Variants in ATG2B observed in about 807,000 individuals in gnomAD.
The protein encoded by ATG2B is autophagy-related protein 2 homolog B.
ATG2B carries 121 observed loss-of-function variants against 241.3 expected under a neutral mutation model. The ratio of observed to expected loss-of-function variants is 0.50; its 90% confidence interval spans 0.43 to 0.58. ATG2B has a LOEUF of 0.58. Among genes scored for constraint, ATG2B ranks in the 20% least tolerant of loss-of-function variants. The pLI is 0.00. For missense variants in ATG2B, 2,306 were observed against 2,491.6 expected, an observed-to-expected ratio of 0.93 and a Z score of 1.59; for synonymous variants, 858 against 876.6, an observed-to-expected ratio of 0.98 and a Z score of 0.37.
At chr14:96,318,270 GC>G (rs771294710) in intron 18 of ATG2B, 1 of 153,930 alleles carries the variant, frequency 6.5e-6, no homozygotes, top group Non-Finnish European at 1.4e-5. Context: ...AACTGATCCT[GC>G]ATCATCTCAC....
At position 96,290,679 on chromosome 14, in the gene ATG2B, G is replaced by A. The variant is rs1280926294; in HGVS notation, c.5702-89C>T. The A allele has an allele frequency of 1.9e-6, 3 of 1,564,774 alleles. No homozygotes were observed. The highest frequency in any genetic ancestry group is 1.4e-5 in the African/African-American group (1 of 73,138). On this transcript the variant is annotated intron_variant, in intron 39 of 41. Coordinates refer to ENST00000359933, the MANE Select transcript of ATG2B (RefSeq NM_018036.7). The surrounding 1 kb of genome is among the most constrained non-coding windows in gnomAD (Gnocchi z 4.4). ...CTGGGGTTTTTAACTCCTAAAACTG[G>A]AGGCAAAGTTTTGTGTATATGAGTA...
intron 36 of ATG2B, among the ~76,000 whole-genome samples, chr14:96,292,741 C>T (rs888948871): frequency 6.6e-5 from 10 of 152,164 alleles, no homozygotes; most frequent in East Asian, 3.8e-4. Flanking sequence ...ACAGAATTAT[C>T]GACAAACAAA....
intron 36 of ATG2B, among the ~76,000 whole-genome samples, chr14:96,293,913 G>A (rs1474994032): frequency 6.6e-6 from 1 of 151,924 alleles, no homozygotes; most frequent in Non-Finnish European, 1.5e-5. Flanking sequence ...CAAATTGGCA[G>A]TTTATAAATG....
chr14:96,332,618 C>T lies in ATG2B; in HGVS notation c.1245G>A (p.Met415Ile). The T allele has an allele frequency of 6.3e-7, 1 of 1,596,576 alleles. No individual in the cohort carries two copies. The highest frequency in any genetic ancestry group is 2.2e-5 in the East Asian group (1 of 44,806). Residue 415 changes from methionine to isoleucine, a missense_variant, in exon 9 of 42, where the codon ATG becomes ATA. Around this residue, in one of 2 missense-constraint regions of ATG2B, gnomAD observed 1,927 missense variants for 2,011.2 expected, o/e 0.96. Coordinates refer to ENST00000359933, the MANE Select transcript of ATG2B (RefSeq NM_018036.7). Reference protein sequence around the residue: ...EVFFSMADMDMSHSLSSLPPL... With the variant: ...EVFFSMADMDISHSLSSLPPL... ...GTGGAAGAGAAGAGAGACTATGAGA[C>T]ATGTCCATATCAGCCATGGAGAAGA...
At chr14:96,298,559 C>T (rs570187954) in intron 34 of ATG2B, among the ~76,000 whole-genome samples, 1 of 152,222 alleles carries the variant, frequency 6.6e-6, no homozygotes, top group Admixed American at 6.5e-5. Context: ...AACAGATAAA[C>T]CGTGGTATAT....
chr14:96,329,278 T>C (rs1180980451), intron 12 of ATG2B, among the ~76,000 whole-genome samples: 2 of 152,306 alleles, frequency 1.3e-5, no homozygotes, highest in East Asian at 3.9e-4. Context: ...AAGTCAACTC[T>C]AATTTAAAAT....
rs544410613 is a variant in ATG2B, at chr14:96,282,065, G to A, written c.*3690C>T. On this transcript the variant is annotated 3_prime_UTR_variant, in exon 42 of 42. Transcript: ENST00000359933. ...GTGCCTAGCATGATCCTGAAATGTT[G>A]AGATAAAAAGAAGTTGGCATTAAAG... The A allele has an allele frequency of 6.6e-6, 1 of 152,290 alleles. No homozygotes were observed. Among genetic ancestry groups the A allele is most frequent in the South Asian group, 2.1e-4 (1 of 4,828 alleles). The allele number at this position is 152,290 out of a possible 1,614,324, so 9.4% of individuals were successfully genotyped here.
chr14:96,329,465 A>G lies in ATG2B; in HGVS notation c.1881+19T>C. 2 of 1,518,700 alleles carry G rather than the reference A, an allele frequency of 1.3e-6. No individual in the cohort carries two copies. Among genetic ancestry groups the G allele is most frequent in the Non-Finnish European group, 1.8e-6 (2 of 1,128,528 alleles). 94.1% of individuals were successfully genotyped at this position (1,518,700 alleles called of 1,614,324 possible). ...TAGATTTAAAAAATAATCTTAAAGAAAAAGTATTCAATATTTACCTCTGTA... is the reference window on the plus strand; with the variant it reads ...TAGATTTAAAAAATAATCTTAAAGAGAAAGTATTCAATATTTACCTCTGTA... On this transcript the variant is annotated intron_variant, in intron 12 of 41. Transcript: ENST00000359933.
chr14:96,291,976 C>T, intron 37 of ATG2B, 53 bp downstream of exon 37: 1 of 1,237,870 alleles, frequency 8.1e-7, no homozygotes, highest in Non-Finnish European at 1.1e-6. Context: ...AAAACGAGCT[C>T]ATTAGAGAAA....
At chr14:96,298,838 G>A (rs979085728) in intron 34 of ATG2B, among the ~76,000 whole-genome samples, 3 of 152,208 alleles carry the variant, frequency 2.0e-5, no homozygotes, top group African/African-American at 7.2e-5. Context: ...AGCTACTCAA[G>A]TGTGTAAATC....
chr14:96,360,383 C>A (rs1018791122), intron 1 of ATG2B, among the ~76,000 whole-genome samples: 1 of 152,182 alleles, frequency 6.6e-6, no homozygotes, highest in African/African-American at 2.4e-5. Context: ...ATGAGGAGAA[C>A]ATTTGAAAAA....
rs1368485957 is a variant in ATG2B, at chr14:96,289,234, T to A, written c.6006+422A>T. Among the ~76,000 whole-genome samples the A allele has an allele frequency of 6.6e-6, 1 of 152,266 alleles. No individual in the cohort carries two copies. Among genetic ancestry groups the A allele is most frequent in the East Asian group, 1.9e-4 (1 of 5,184 alleles). ...CATAATAAAACTATATAAAAACATG[T>A]ACAAAAAAATATGTTCCACGTTCAG... On this transcript the variant is annotated intron_variant, in intron 41 of 41. Transcript: ENST00000359933. This position sits in a 1 kb window ranked among gnomAD's most constrained non-coding sequence, Gnocchi z 4.3.
intron 34 of ATG2B, among the ~76,000 whole-genome samples, chr14:96,301,432 G>A (rs915143652): frequency 3.9e-5 from 6 of 152,156 alleles, no homozygotes; most frequent in African/African-American, 1.4e-4. Flanking sequence ...AAAGTTTCTG[G>A]AAGAGGCACC....
chr14:96,315,318 G>T, intron 22 of ATG2B, 66 bp downstream of exon 22: 1 of 1,579,810 alleles, frequency 6.3e-7, no homozygotes. Flanking sequence ...TAAATATGTT[G>T]CCTTTTATGT....
At chr14:96,310,069 CACCAAATACTTA>C (rs1470556913) in intron 28 of ATG2B, among the ~76,000 whole-genome samples, 3 of 152,158 alleles carry the variant, frequency 2.0e-5, no homozygotes, top group Non-Finnish European at 2.9e-5. Context: ...TCAGTTCCAG[CACCAAATACTTA>C]ACCAAATACT....
intron 34 of ATG2B, among the ~76,000 whole-genome samples, chr14:96,296,253 T>C (rs1886637685): frequency 6.6e-6 from 1 of 152,210 alleles, no homozygotes; most frequent in Non-Finnish European, 1.5e-5. Context: ...GAACATGATA[T>C]TCAAAATAAT....
chr14:96,332,202 T>C, intron 10 of ATG2B, 103 bp downstream of exon 10: 1 of 861,200 alleles, frequency 1.2e-6, no homozygotes, highest in East Asian at 2.5e-5. Flanking sequence ...ACTTTGTAAA[T>C]GGCCAAGACC....
At chr14:96,330,294 A>T (rs1887699333) in intron 11 of ATG2B, among the ~76,000 whole-genome samples, 1 of 152,220 alleles carries the variant, frequency 6.6e-6, no homozygotes, top group Admixed American at 6.5e-5. Context: ...TATTAGGTGT[A>T]AAACTACTTT....
intron 18 of ATG2B, 109 bp from the exon 19 acceptor site, chr14:96,317,964 G>T: frequency 1.3e-6 from 1 of 759,608 alleles, no homozygotes; most frequent in Non-Finnish European, 2.0e-6. Flanking sequence ...TTTTTAAACG[G>T]CAAAATGGAA....
Sources: allele counts gnomAD v4.1 joint callset (sites outside exome capture counted in the v4.1 genomes callset), GRCh38; gene constraint gnomAD v4.1.1; regional missense constraint gnomAD v4.1.1; non-coding constraint Gnocchi (gnomAD v3.1); transcripts MANE v1.5; gene names NCBI Gene and HGNC (gene_info 2026-07-23, HGNC 2026-07-21).